The following ELAC2 variants were observed in gnomAD, a reference collection of about 807,000 sequenced individuals.
ELAC2 encodes elaC ribonuclease Z 2, also known as zinc phosphodiesterase ELAC protein 2.
ELAC2 carries 92 observed loss-of-function variants against 105.2 expected under a neutral mutation model. The observed-to-expected ratio is 0.87, with a 90% CI of 0.74 to 1.04. The LOEUF is 1.04. ELAC2 is among the 50% of genes least tolerant of loss of function. ELAC2 has a pLI of 0.00. For synonymous variants in ELAC2, 468 were observed against 409.1 expected (o/e 1.14, Z -1.74); for missense variants, 1,099 against 1,071.7 (o/e 1.03, Z -0.36).
chr17:13,009,998 A>AAAAAAAAAT (rs2041326289), intron 8 of ELAC2, among the ~76,000 whole-genome samples: 1 of 151,944 alleles, frequency 6.6e-6, no homozygotes, highest in Non-Finnish European at 1.5e-5. Flanking sequence ...CTCAAAAAAA[A>AAAAAAAAAT]AAAAAAAAAA....
intron 16 of ELAC2, 76 bp downstream of exon 16, chr17:12,998,336 G>T (rs190452179): frequency 6.5e-6 from 9 of 1,380,500 alleles, no homozygotes; most frequent in Admixed American, 1.7e-5. Flanking sequence ...AAATCGACTG[G>T]TGAGTACAGC....
intron 1 of ELAC2, chr17:13,017,404 C>G: frequency 1.6e-6 from 1 of 633,412 alleles, no homozygotes; most frequent in East Asian, 2.8e-5. Context: ...CTAACAACGA[C>G]ACACTGGCCT....
intron 8 of ELAC2, 120 bp downstream of exon 8, chr17:13,010,493 G>T: frequency 1.1e-6 from 1 of 912,554 alleles, no homozygotes; most frequent in Non-Finnish European, 1.8e-6. Flanking sequence ...CTGAAGATCT[G>T]CTATCTCTTC....
rs1284025163 is a variant in ELAC2, at chr17:13,005,714, T to C, written c.870+39A>G. 6 of 1,601,734 alleles carry C rather than the reference T, an allele frequency of 3.7e-6. No homozygotes were observed. The Admixed American group carries it at 1.0e-4, about 27-fold the overall frequency. On this transcript the variant is annotated intron_variant, in intron 10 of 23. Transcript: ENST00000338034. ...AGACTCTGCCCAGCATTTCAGACCC[T>C]ACCTGTAACTGCTGAATCAAGAAAA...
intron 23 of ELAC2, 125 bp downstream of exon 23, chr17:12,993,562 A>AGAT (rs2040311505): frequency 1.4e-6 from 2 of 1,422,884 alleles, no homozygotes; most frequent in Admixed American, 1.9e-5. Flanking sequence ...AGTGATGGGT[A>AGAT]GATAACCTTT....
At position 12,992,143 on chromosome 17, in the gene ELAC2, AT is replaced by A. The variant is rs1249967018; in HGVS notation, c.*674del. On this transcript the variant is annotated 3_prime_UTR_variant, in exon 24 of 24. Coordinates refer to ENST00000338034, the MANE Select transcript of ELAC2 (RefSeq NM_018127.7). ...ACTGATTGATTTGATTGATTGATTG[AT>A]TGATTGATAGAGAAAGCACGCCCTG... Among the ~76,000 whole-genome samples, 13 of 150,754 alleles carry A rather than the reference AT, an allele frequency of 8.6e-5. No individual in the cohort carries two copies. Among genetic ancestry groups the A allele is most frequent in the African/African-American group, 2.5e-4 (10 of 40,550 alleles).
In ELAC2 at chr17:13,013,605, C is replaced by T. The variant is rs117452395; in HGVS notation, c.491-330G>A. On this transcript the variant is annotated intron_variant, in intron 5 of 23. Coordinates refer to ENST00000338034, the MANE Select transcript of ELAC2 (RefSeq NM_018127.7). Reference sequence around the variant, plus strand: ...ATAGTGAAGCCAGGGAACCTATCATCGCAAACCAGAAGAGCTGATGTATAT... The same window carrying T: ...ATAGTGAAGCCAGGGAACCTATCATTGCAAACCAGAAGAGCTGATGTATAT... 5.1e-3 allele frequency among the ~76,000 whole-genome samples: 777 copies of T among 152,254 alleles called. 3 individuals are homozygous for T. The highest frequency in any genetic ancestry group is 9.2e-3 in the Non-Finnish European group (624 of 68,018).
chr17:12,994,319 G>T, intron 22 of ELAC2, 106 bp downstream of exon 22: 1 of 1,287,748 alleles, frequency 7.8e-7, no homozygotes, highest in South Asian at 1.2e-5. Context: ...CCCTTGATAG[G>T]AAGCAGGGCA....
chr17:13,017,003 C>T lies in ELAC2; in HGVS notation c.296+68G>A. On this transcript the variant is annotated intron_variant, in intron 2 of 23. Coordinates refer to ENST00000338034, the MANE Select transcript of ELAC2 (RefSeq NM_018127.7). ...GGACCACTTTTGCTATAAAAAACAACTGGCCTCTCATTTCGGCTTTCAAGC... is the reference window on the plus strand; with the variant it reads ...GGACCACTTTTGCTATAAAAAACAATTGGCCTCTCATTTCGGCTTTCAAGC... 3.1e-6 allele frequency: 5 copies of T among 1,612,440 alleles called. No individual in the cohort carries two copies. The Middle Eastern group carries it at 8.3e-4, about 266-fold the overall frequency.
rs746498645 is a variant in ELAC2 at position 13,005,096 on chromosome 17, C to T, written c.876G>A (p.Leu292=). 5 of 1,613,566 alleles carry T rather than the reference C, an allele frequency of 3.1e-6. No individual in the cohort carries two copies. Among genetic ancestry groups the T allele is most frequent in the Non-Finnish European group, 4.2e-6 (5 of 1,179,508 alleles). The change falls in exon 11 of 24, where the codon TTG becomes TTA. Residue 292 remains leucine, a synonymous_variant. Coordinates refer to ENST00000338034, the MANE Select transcript of ELAC2 (RefSeq NM_018127.7). ...KSITHEGREI[L]AEELCTPPDP... is the part of the protein sequence containing the mutation. ...CTGGAGGAGTACACAGCTCTTCAGC[C>T]AAAATCTGCAAAACCAAATAAGCCC...
In ELAC2 at chr17:13,017,541, C is replaced by A. The variant is rs145241224; in HGVS notation, c.245+162G>T. 534 of 1,342,712 alleles carry A rather than the reference C, an allele frequency of 4.0e-4. 1 individual carries two copies. The African/African-American group carries it at 7.3e-3, about 18-fold the overall frequency. The allele number at this position is 1,342,712 out of a possible 1,614,324, so 83.2% of individuals were successfully genotyped here. ...CAGATCCGCAGAAATCACATGGATG[C>A]AAAGAATCTCGGATTTCCCACCCAC... On this transcript the variant is annotated intron_variant, in intron 1 of 23. Coordinates refer to ENST00000338034, the MANE Select transcript of ELAC2 (RefSeq NM_018127.7).
chr17:13,003,448 A>G (rs1280935169), intron 12 of ELAC2, 31 bp downstream of exon 12: 2 of 1,601,720 alleles, frequency 1.2e-6, no homozygotes, highest in Admixed American at 3.3e-5. Context: ...CAGAAGAGTT[A>G]CCCCAAGTGC....
At chr17:13,002,865 TGAAA>T (rs2040896934) in intron 12 of ELAC2, 2 of 485,674 alleles carry the variant, frequency 4.1e-6, no homozygotes, top group Non-Finnish European at 7.5e-6. Context: ...CCCTGAGGAA[TGAAA>T]GAGACAGCAG....
At chr17:13,013,150 G>C (rs2041516403) in intron 6 of ELAC2, 57 bp downstream of exon 6, 3 of 1,589,466 alleles carry the variant, frequency 1.9e-6, no homozygotes, top group Non-Finnish European at 2.6e-6. Context: ...TTTCATCCAT[G>C]TTTTCTTTAC....
rs539232945 is a variant in ELAC2 at position 12,996,317 on chromosome 17, T to G, written c.1659+230A>C. ...GATTCAAGACTCAAGGAAGGCTGGG[T>G]AAACTCAAACCTGTCCTGCTGCAGG... On this transcript the variant is annotated intron_variant, in intron 17 of 23. Transcript: ENST00000338034. 20 of 679,746 alleles carry G rather than the reference T, an allele frequency of 2.9e-5. 2 individuals are homozygous for G. In the South Asian group the frequency reaches 3.6e-4, roughly 12 times the overall value. 42.1% of individuals were successfully genotyped at this position (679,746 alleles called of 1,614,324 possible). A position where few individuals can be genotyped will look rare whatever the true frequency, so the allele number is the denominator to read the frequency against.
chr17:13,010,782 G>A, intron 7 of ELAC2, 111 bp from the exon 8 acceptor site: 9 of 965,568 alleles, frequency 9.3e-6, no homozygotes, highest in South Asian at 1.3e-5. Flanking sequence ...ATTAATGGAC[G>A]CTACTGTCCC....
At position 12,992,884 on chromosome 17, in the gene ELAC2, A is replaced by G; in HGVS notation, c.2415T>C (p.Asp805=). ...LSRELAGGLE[D]GEPQQKRAHT... ...GGGCCCGCTTCTGCTGAGGCTCCCC[A>G]TCCTCCAGGCCGCCTGCCAGCTCCC... The change falls in exon 24 of 24, where the codon GAT becomes GAC. Residue 805 remains aspartate, a synonymous_variant. Transcript: ENST00000338034. 6.2e-7 allele frequency: 1 copy of G among 1,612,710 alleles called. No individual in the cohort carries two copies. Among genetic ancestry groups the G allele is most frequent in the Non-Finnish European group, 8.5e-7 (1 of 1,179,980 alleles).
At chr17:13,009,449 A>G (rs919647346) in intron 8 of ELAC2, among the ~76,000 whole-genome samples, 1 of 152,250 alleles carries the variant, frequency 6.6e-6, no homozygotes, top group South Asian at 2.1e-4. Flanking sequence ...CAGATCTTAC[A>G]AACAGCTTAT....
rs767879725 is a variant in ELAC2, at chr17:13,017,860, C to G, written c.88G>C (p.Glu30Gln). 1 of 1,559,892 alleles carries G rather than the reference C, an allele frequency of 6.4e-7. No homozygotes were observed. Among genetic ancestry groups the G allele is most frequent in the African/African-American group, 1.4e-5 (1 of 73,720 alleles). ...RTISQAPARR[E>Q]RPRKDPLRHL... is the part of the protein sequence containing the mutation. The stretch of plus-strand genomic sequence containing the variant: ...CGCAGCGGGTCCTTGCGCGGCCGCT[C>G]GCGGCGGGCGGGTGCCTGCGATATG... The change falls in exon 1 of 24, where the codon GAG becomes CAG. Residue 30 changes from glutamate to glutamine, a missense_variant. By Grantham distance (29) the Glu-to-Gln change is conservative. Transcript: ENST00000338034.
Sources: allele counts gnomAD v4.1 joint callset (sites outside exome capture counted in the v4.1 genomes callset), GRCh38; gene constraint gnomAD v4.1.1; transcripts MANE v1.5; gene names NCBI Gene and HGNC (gene_info 2026-07-23, HGNC 2026-07-21).